The following PCDHGB4 variants were observed in gnomAD, a reference collection of about 807,000 sequenced individuals.
PCDHGB4 encodes the protein protocadherin gamma subfamily B, 4.
Under a neutral mutation model 60.5 loss-of-function variants are expected in PCDHGB4, and 38 were observed. The observed-to-expected ratio is 0.63, with a 90% CI of 0.48 to 0.82. The LOEUF (loss-of-function observed/expected upper bound fraction) is 0.82. PCDHGB4 is among the 40% of genes least tolerant of loss of function. PCDHGB4 has a pLI of 0.00. For synonymous variants in PCDHGB4, 456 were observed against 509.7 expected (o/e 0.89, Z 1.42); for missense variants, 1,109 against 1,209.6 (o/e 0.92, Z 1.23).
intron 1 of PCDHGB4, chr5:141,421,975 G>T: frequency 6.2e-7 from 1 of 1,610,052 alleles, no homozygotes; most frequent in African/African-American, 1.3e-5. Context: ...CGTATATCGC[G>T]TGAGTGTTCC....
At chr5:141,498,248 G>A (rs1484987588) in intron 2 of PCDHGB4, among the ~76,000 whole-genome samples, 2 of 152,208 alleles carry the variant, frequency 1.3e-5, no homozygotes, top group Non-Finnish European at 2.9e-5. Flanking sequence ...CTTCAAAGCA[G>A]GGCTGGTGTT....
At chr5:141,410,849 CT>C (rs759346998) in intron 1 of PCDHGB4, 9,989 of 137,410 alleles carry the variant, frequency 0.073, 1 homozygote, top group South Asian at 0.15. Context: ...TTGTCTTTGT[CT>C]TTTTTTTTTT....
intron 1 of PCDHGB4, among the ~76,000 whole-genome samples, chr5:141,434,692 A>G (rs891952554): frequency 8.5e-5 from 13 of 152,082 alleles, no homozygotes; most frequent in African/African-American, 2.4e-4. Flanking sequence ...CTTGCTGTTA[A>G]TAAATATGTG....
Position 141,477,354 on chromosome 5 carries a change from C to T in PCDHGB4, c.2398-17453C>T, listed in dbSNP as rs1164062950. On this transcript the variant is annotated intron_variant, in intron 1 of 3. Coordinates refer to ENST00000519479, the MANE Select transcript of PCDHGB4 (RefSeq NM_003736.4). This position sits in a 1 kb window ranked among gnomAD's most constrained non-coding sequence, Gnocchi z 4.9. ...AATTACTTCACTTTGAAAACCAGTG[C>T]AGACCTGGATCGGGAGACTGTGCCA... 14 of 1,614,202 alleles carry T rather than the reference C, an allele frequency of 8.7e-6. No homozygotes were observed. The highest frequency in any genetic ancestry group is 1.1e-5 in the Non-Finnish European group (13 of 1,180,036).
chr5:141,426,806 T>C (rs1390972821), intron 1 of PCDHGB4: 1 of 456,600 alleles, frequency 2.2e-6, no homozygotes, highest in Non-Finnish European at 4.4e-6. Context: ...TCAGTTCTAA[T>C]GAACATTTCT....
chr5:141,475,381 T>G (rs1182018899), intron 1 of PCDHGB4, among the ~76,000 whole-genome samples: 3 of 152,226 alleles, frequency 2.0e-5, no homozygotes, highest in Non-Finnish European at 4.4e-5. Flanking sequence ...ACTTTTAAAT[T>G]TTATAAGCCA....
At chr5:141,408,806 C>T in intron 1 of PCDHGB4, 1 of 1,613,010 alleles carries the variant, frequency 6.2e-7, no homozygotes, top group Non-Finnish European at 8.5e-7. Flanking sequence ...ACTCCTAGAC[C>T]GGGAAGAACA....
In PCDHGB4 at chr5:141,461,484, T is replaced by C. The variant is rs1171584384; in HGVS notation, c.2398-33323T>C. On this transcript the variant is annotated intron_variant, in intron 1 of 3. Transcript: ENST00000519479. ...GTCCTTTGCCTACTTTTTAATGGGATTGTGTTTTATTTTTCTTGGTGATTT... is the reference window on the plus strand; with the variant it reads ...GTCCTTTGCCTACTTTTTAATGGGACTGTGTTTTATTTTTCTTGGTGATTT... 2.6e-5 allele frequency among the ~76,000 whole-genome samples: 4 copies of C among 152,152 alleles called. No homozygotes were observed. In the East Asian group the frequency reaches 7.7e-4, roughly 29 times the overall value.
chr5:141,444,470 C>T (rs1275997551), intron 1 of PCDHGB4, among the ~76,000 whole-genome samples: 2 of 152,058 alleles, frequency 1.3e-5, no homozygotes, highest in African/African-American at 2.4e-5. Flanking sequence ...TGCGCCCGGT[C>T]GCGTACTGGA....
At chr5:141,479,823 G>A (rs1208437635) in intron 1 of PCDHGB4, among the ~76,000 whole-genome samples, 1 of 152,172 alleles carries the variant, frequency 6.6e-6, no homozygotes, top group Admixed American at 6.5e-5. Context: ...TACTATCCAA[G>A]GCATGGTATC....
Position 141,388,525 on chromosome 5 carries a change from C to T in PCDHGB4, c.641C>T (p.Ala214Val), listed in dbSNP as rs780990884. The change falls in exon 1 of 4, where the codon GCC becomes GTC. Residue 214 changes from alanine (A) to valine (V), a missense_variant. This residue lies in a region of PCDHGB4 where 1,068 missense variants were observed against 1,089.9 expected (regional missense o/e 0.98). Coordinates refer to ENST00000519479, the MANE Select transcript of PCDHGB4 (RefSeq NM_003736.4). ...KQKSYHLTLT[A>V]LDFGAPPLSS... ...AAATCCTACCACTTGACTTTGACTGCCTTGGACTTTGGAGCTCCACCCCTA... is the reference window on the plus strand; with the variant it reads ...AAATCCTACCACTTGACTTTGACTGTCTTGGACTTTGGAGCTCCACCCCTA... 1.2e-6 allele frequency: 2 copies of T among 1,613,854 alleles called. No homozygotes were observed. Among genetic ancestry groups the T allele is most frequent in the Non-Finnish European group, 8.5e-7 (1 of 1,179,886 alleles).
chr5:141,398,092 T>C (rs748472174), intron 1 of PCDHGB4: 19 of 1,598,994 alleles, frequency 1.2e-5, no homozygotes, highest in Non-Finnish European at 1.6e-5. Flanking sequence ...ACCTGGCGTC[T>C]CCAGGCTGGT....
chr5:141,473,699 C>T (rs560096812), intron 1 of PCDHGB4, among the ~76,000 whole-genome samples: 2 of 152,244 alleles, frequency 1.3e-5, no homozygotes, highest in South Asian at 2.1e-4. Flanking sequence ...TGACCACCCT[C>T]CAAGTGGTGC....
In PCDHGB4 at chr5:141,487,476, A is replaced by G; in HGVS notation, c.2398-7331A>G. Reference sequence around the variant, plus strand: ...ATCAAGTTTGTTGATGTGGGAGGCCACTCTCATGGCTGTACACCCTTGGCT... The same window carrying G: ...ATCAAGTTTGTTGATGTGGGAGGCCGCTCTCATGGCTGTACACCCTTGGCT... On this transcript the variant is annotated intron_variant, in intron 1 of 3. Transcript: ENST00000519479. The surrounding 1 kb of genome is among the most constrained non-coding windows in gnomAD (Gnocchi z 5.0). The G allele has an allele frequency of 6.2e-7, 1 of 1,614,004 alleles. No homozygotes were observed. Among genetic ancestry groups the G allele is most frequent in the Non-Finnish European group, 8.5e-7 (1 of 1,180,002 alleles).
Position 141,487,322 on chromosome 5 carries a change from C to T in PCDHGB4, c.2398-7485C>T, listed in dbSNP as rs760334964. 7.4e-6 allele frequency: 12 copies of T among 1,614,134 alleles called. No homozygotes were observed. Among genetic ancestry groups the T allele is most frequent in the South Asian group, 3.3e-5 (3 of 91,082 alleles). ...CGTGGCACTACTCTCTAAGTGTCTT[C>T]GTGGGGCAGCCTGTGGAGTCACATG... On this transcript the variant is annotated intron_variant, in intron 1 of 3. Coordinates refer to ENST00000519479, the MANE Select transcript of PCDHGB4 (RefSeq NM_003736.4). The surrounding 1 kb of genome is among the most constrained non-coding windows in gnomAD (Gnocchi z 5.0).
In PCDHGB4 at chr5:141,477,428, T is replaced by C; in HGVS notation, c.2398-17379T>C. On this transcript the variant is annotated intron_variant, in intron 1 of 3. Transcript: ENST00000519479. The surrounding 1 kb of genome is among the most constrained non-coding windows in gnomAD (Gnocchi z 4.9). ...CCGAGACGCCGGAACCCCTTCCCTC[T>C]CAGCCCTTACAATAGTGCGTGTTCA... The C allele has an allele frequency of 6.2e-7, 1 of 1,614,142 alleles. No individual in the cohort carries two copies. Among genetic ancestry groups the C allele is most frequent in the Non-Finnish European group, 8.5e-7 (1 of 1,180,036 alleles).
In PCDHGB4 at chr5:141,486,070, T is replaced by G; in HGVS notation, c.2398-8737T>G. The G allele has an allele frequency of 6.2e-7, 1 of 1,614,158 alleles. No individual in the cohort carries two copies. Among genetic ancestry groups the G allele is most frequent in the Non-Finnish European group, 8.5e-7 (1 of 1,180,010 alleles). On this transcript the variant is annotated intron_variant, in intron 1 of 3. Coordinates refer to ENST00000519479, the MANE Select transcript of PCDHGB4 (RefSeq NM_003736.4). This position sits in a 1 kb window ranked among gnomAD's most constrained non-coding sequence, Gnocchi z 5.0. ...ACCTCTTTAGCCTGCACCCCACTAC[T>G]GGAAAGCTTACTCTTTTGGGGCCCC...
At chr5:141,414,633 A>C (rs1368963927) in intron 1 of PCDHGB4, 1 of 1,613,988 alleles carries the variant, frequency 6.2e-7, no homozygotes, top group South Asian at 1.1e-5. Context: ...CGGACAGCAA[A>C]GAGAATGCCC....
At chr5:141,498,222 T>A (rs1258826914) in intron 2 of PCDHGB4, among the ~76,000 whole-genome samples, 1 of 152,218 alleles carries the variant, frequency 6.6e-6, no homozygotes, top group East Asian at 1.9e-4. Flanking sequence ...GCATTCCAGA[T>A]GGTCAGGCAT....
Sources: allele counts gnomAD v4.1 joint callset (sites outside exome capture counted in the v4.1 genomes callset), GRCh38; gene constraint gnomAD v4.1.1; regional missense constraint gnomAD v4.1.1; non-coding constraint Gnocchi (gnomAD v3.1); transcripts MANE v1.5; gene names NCBI Gene and HGNC (gene_info 2026-07-23, HGNC 2026-07-21).